Variants in TEX2 observed in about 807,000 individuals in gnomAD.
TEX2 encodes testis-expressed protein 2.
TEX2 carries 53 observed loss-of-function variants against 106.9 expected under a neutral mutation model. The ratio of observed to expected loss-of-function variants is 0.50; its 90% CI spans 0.40 to 0.62. The LOEUF (loss-of-function observed/expected upper bound fraction) is 0.62. Among genes scored for constraint, TEX2 ranks in the 20% least tolerant of loss-of-function variants. TEX2 has a pLI of 0.00. For missense variants in TEX2, 1,207 were observed against 1,379.0 expected (o/e 0.88, Z 1.98); for synonymous variants, 523 against 534.8 (o/e 0.98, Z 0.30).
intron 2 of TEX2, among the ~76,000 whole-genome samples, chr17:64,209,001 T>TA (rs782151017): frequency 1.3e-5 from 2 of 152,178 alleles, no homozygotes; most frequent in Admixed American, 1.3e-4. Flanking sequence ...AATCTTCTGA[T>TA]AAAATCTCAC....
intron 8 of TEX2, among the ~76,000 whole-genome samples, chr17:64,159,501 T>C (rs2143649169): frequency 6.6e-6 from 1 of 152,258 alleles, no homozygotes; most frequent in South Asian, 2.1e-4. Context: ...TCTATAAGAC[T>C]TTCCCTGTCA....
At chr17:64,198,304 T>C (rs2143935992) in intron 2 of TEX2, among the ~76,000 whole-genome samples, 2 of 151,346 alleles carry the variant, frequency 1.3e-5, no homozygotes, top group African/African-American at 4.9e-5. Context: ...AATACTGTCT[T>C]ACATATATAA....
intron 7 of TEX2, among the ~76,000 whole-genome samples, chr17:64,164,374 G>C (rs1247435723): frequency 6.6e-6 from 1 of 151,902 alleles, no homozygotes; most frequent in African/African-American, 2.4e-5. Context: ...GGGGGCAGAG[G>C]TTGCAGTGAG....
rs782459185 is a variant in TEX2 at position 64,213,537 on chromosome 17, C to G, written c.681G>C (p.Arg227=). ...TATAGGACACTGTATCCGACTCCTG[C>G]CGGGAAGTGTCCGTGGACAGAGACT... ...LVKSLSTDTS[R]QESDTVSYKP... The change falls in exon 2 of 12, where the codon CGG becomes CGC. Residue 227 remains arginine (R), a synonymous_variant. Transcript: ENST00000584379. This position sits in a 1 kb window ranked among gnomAD's most constrained non-coding sequence, Gnocchi z 4.4. The G allele has an allele frequency of 4.3e-6, 7 of 1,614,092 alleles. No individual in the cohort carries two copies. The East Asian group carries it at 1.6e-4, about 36-fold the overall frequency.
chr17:64,181,107 A>AGT (rs2031835669), intron 5 of TEX2, among the ~76,000 whole-genome samples: 1 of 151,884 alleles, frequency 6.6e-6, no homozygotes, highest in African/African-American at 2.4e-5. Context: ...TTTAAACATT[A>AGT]TTTAAAACAG....
At chr17:64,202,749 T>C (rs1173520094) in intron 2 of TEX2, among the ~76,000 whole-genome samples, 10 of 152,216 alleles carry the variant, frequency 6.6e-5, no homozygotes, top group African/African-American at 2.4e-4. Flanking sequence ...ATAGCAACAT[T>C]CCATTTCAAC....
chr17:64,240,507 A>C (rs1268190646), intron 1 of TEX2, among the ~76,000 whole-genome samples: 2 of 152,148 alleles, frequency 1.3e-5, no homozygotes, highest in Non-Finnish European at 2.9e-5. Context: ...GAAAGAGTAT[A>C]TGCTTCCAAC....
intron 5 of TEX2, among the ~76,000 whole-genome samples, chr17:64,183,850 C>T (rs576803075): frequency 1.1e-4 from 16 of 152,178 alleles, no homozygotes; most frequent in Admixed American, 2.0e-4. Flanking sequence ...AGGCTGGTCT[C>T]GAACTCCTGA....
intron 2 of TEX2, among the ~76,000 whole-genome samples, chr17:64,196,498 CA>C (rs2032471372): frequency 1.3e-5 from 2 of 152,072 alleles, no homozygotes; most frequent in South Asian, 4.1e-4. Context: ...TCCCTCCTCC[CA>C]AAGAATGACC....
intron 7 of TEX2, among the ~76,000 whole-genome samples, chr17:64,161,293 G>T (rs2030873510): frequency 6.6e-6 from 1 of 152,218 alleles, no homozygotes; most frequent in African/African-American, 2.4e-5. Context: ...CCAGGGCAAA[G>T]CCAGGACAAG....
intron 1 of TEX2, among the ~76,000 whole-genome samples, chr17:64,220,734 TGCTTTTACACTGTTG>T (rs2033334736): frequency 6.6e-6 from 1 of 152,126 alleles, no homozygotes; most frequent in African/African-American, 2.4e-5. Context: ...GAAATAGGAA[TGCTTTTACACTGTTG>T]GTGGGAATAT....
intron 8 of TEX2, among the ~76,000 whole-genome samples, chr17:64,157,690 C>T (rs1598118344): frequency 6.6e-6 from 1 of 152,244 alleles, no homozygotes; most frequent in African/African-American, 2.4e-5. Flanking sequence ...ATACACCTGC[C>T]ACAGGCACAC....
chr17:64,216,475 G>A (rs542570090), intron 1 of TEX2, among the ~76,000 whole-genome samples: 1 of 152,296 alleles, frequency 6.6e-6, no homozygotes, highest in South Asian at 2.1e-4. Context: ...GGCTATAAAT[G>A]AAGGTAACTG....
At chr17:64,234,426 CAG>C (rs1170087306) in intron 1 of TEX2, among the ~76,000 whole-genome samples, 1 of 152,142 alleles carries the variant, frequency 6.6e-6, no homozygotes, top group Non-Finnish European at 1.5e-5. Context: ...TGTGAGTCCT[CAG>C]AGAGCACTGT....
At chr17:64,240,233 A>ATGTGTGTGTG (rs67965706) in intron 1 of TEX2, among the ~76,000 whole-genome samples, 1,684 of 147,408 alleles carry the variant, frequency 0.011, 32 homozygotes, top group African/African-American at 0.04. Flanking sequence ...GTATATGCAG[A>ATGTGTGTGTG]TGTGTGTGTG....
At chr17:64,212,434 G>A (rs2033030386) in intron 2 of TEX2, 140 bp downstream of exon 2, 1 of 740,146 alleles carries the variant, frequency 1.4e-6, no homozygotes, top group Non-Finnish European at 2.3e-6. Flanking sequence ...TGGGTGCCTG[G>A]AGAATGAAGT....
chr17:64,194,962 C>G lies in TEX2; in HGVS notation c.1778G>C (p.Ser593Thr). 1.9e-6 allele frequency: 3 copies of G among 1,614,158 alleles called. No homozygotes were observed. Among genetic ancestry groups the G allele is most frequent in the Non-Finnish European group, 1.7e-6 (2 of 1,180,016 alleles). ...GACCTCTGGCTTGGGTTCATTGTAGCTGGCCCTCCTGGATATATTTTTATT... is the reference window on the plus strand; with the variant it reads ...GACCTCTGGCTTGGGTTCATTGTAGGTGGCCCTCCTGGATATATTTTTATT... ...KPNKNISRRA[S>T]YNEPKPEVTY... The change falls in exon 3 of 12, where the codon AGC becomes ACC. Residue 593 changes from serine (S) to threonine (T), a missense_variant. Physicochemically the swap from Ser to Thr is moderately conservative, Grantham distance 58 (BLOSUM62 1). Around this residue, in one of 3 missense-constraint regions of TEX2, gnomAD observed 1,067 missense variants for 1,193.6 expected, o/e 0.89. Coordinates refer to ENST00000584379, the MANE Select transcript of TEX2 (RefSeq NM_001288732.2).
intron 7 of TEX2, among the ~76,000 whole-genome samples, 160 bp from the exon 8 acceptor site, chr17:64,161,093 C>T (rs2030864429): frequency 2.0e-5 from 3 of 152,088 alleles, no homozygotes; most frequent in African/African-American, 7.2e-5. Flanking sequence ...ATTGTGCCAT[C>T]GACACACACG....
intron 5 of TEX2, among the ~76,000 whole-genome samples, chr17:64,182,158 C>T (rs9897159): frequency 0.71 from 107,797 of 152,010 alleles, 38,335 homozygotes; most frequent in East Asian, 0.83. Flanking sequence ...AAAAGGAAGG[C>T]GATTCTGACT....
Sources: allele counts gnomAD v4.1 joint callset (sites outside exome capture counted in the v4.1 genomes callset), GRCh38; gene constraint gnomAD v4.1.1; regional missense constraint gnomAD v4.1.1; non-coding constraint Gnocchi (gnomAD v3.1); transcripts MANE v1.5; gene names NCBI Gene and HGNC (gene_info 2026-07-23, HGNC 2026-07-21).